CREB5: variants seen among roughly 807,000 people sequenced by gnomAD.
The protein encoded by CREB5 is cAMP responsive element binding protein 5, also known as cyclic AMP-responsive element-binding protein 5.
CREB5 carries 19 observed loss-of-function variants against 57.1 expected under a neutral mutation model. The ratio of observed to expected loss-of-function variants is 0.33; its 90% CI spans 0.23 to 0.49. CREB5 has a LOEUF of 0.49. Among genes scored for constraint, CREB5 ranks in the 20% least tolerant of loss-of-function variants. The probability of loss-of-function intolerance (pLI) is 0.99; values close to 1 mark genes in which losing one functional copy is unlikely to be tolerated. For synonymous variants in CREB5, 238 were observed against 238.3 expected (o/e 1.00, Z 0.01); for missense variants, 579 against 671.6 (o/e 0.86, Z 1.52).
intron 7 of CREB5, among the ~76,000 whole-genome samples, chr7:28,763,347 A>T (rs1805772826): frequency 6.6e-6 from 1 of 152,154 alleles, no homozygotes; most frequent in Admixed American, 6.5e-5. Flanking sequence ...TCTATTTCAA[A>T]GAGAGTCCTC....
At chr7:28,645,406 T>C (rs1214729659) in intron 5 of CREB5, among the ~76,000 whole-genome samples, 1 of 152,134 alleles carries the variant, frequency 6.6e-6, no homozygotes, top group Non-Finnish European at 1.5e-5. Context: ...GGTTTGCTTG[T>C]GGGTTTTGAA....
At chr7:28,661,728 A>G (rs1384989073) in intron 5 of CREB5, among the ~76,000 whole-genome samples, 1 of 152,168 alleles carries the variant, frequency 6.6e-6, no homozygotes, top group Non-Finnish European at 1.5e-5. Context: ...TTCTGACTCT[A>G]GGTTTACAGC....
At chr7:28,661,690 G>T (rs1035822211) in intron 5 of CREB5, among the ~76,000 whole-genome samples, 1 of 152,084 alleles carries the variant, frequency 6.6e-6, no homozygotes, top group Admixed American at 6.6e-5. Context: ...TTTCTCTCAA[G>T]CAACAGTTGA....
intron 4 of CREB5, among the ~76,000 whole-genome samples, chr7:28,520,064 G>A (rs1793141131): frequency 6.6e-6 from 1 of 152,192 alleles, no homozygotes. Context: ...GCTAGGAATG[G>A]CTTGAAAGGA....
rs544077715 is a variant in CREB5, at chr7:28,712,634, A to G, written c.465-6119A>G. Among the ~76,000 whole-genome samples, 14 of 147,806 alleles carry G rather than the reference A, an allele frequency of 9.5e-5. No individual in the cohort carries two copies. The East Asian group carries it at 2.8e-3, about 29-fold the overall frequency. On this transcript the variant is annotated intron_variant, in intron 5 of 10. Transcript: ENST00000357727. ...CTGCAGCCTCCACCTCTTGGGTTCAAGCGACTCCTGTGCCTCAGCCTCCCG... is the reference window on the plus strand; with the variant it reads ...CTGCAGCCTCCACCTCTTGGGTTCAGGCGACTCCTGTGCCTCAGCCTCCCG...
At chr7:28,743,597 C>T (rs1038606596) in intron 7 of CREB5, among the ~76,000 whole-genome samples, 9 of 152,100 alleles carry the variant, frequency 5.9e-5, no homozygotes, top group Non-Finnish European at 1.2e-4. Flanking sequence ...GGTTTGTTAG[C>T]GATATCCCAA....
intron 1 of CREB5, among the ~76,000 whole-genome samples, chr7:28,321,566 T>A (rs1257985253): frequency 6.6e-6 from 1 of 152,144 alleles, no homozygotes; most frequent in Non-Finnish European, 1.5e-5. Flanking sequence ...GGTGTGTGAG[T>A]GTGCGCCCAA....
At chr7:28,499,853 G>A (rs1476431762) in intron 3 of CREB5, among the ~76,000 whole-genome samples, 1 of 152,204 alleles carries the variant, frequency 6.6e-6, no homozygotes, top group East Asian at 1.9e-4. Context: ...AAAGTGCTGG[G>A]ATTACAGGCG....
At chr7:28,551,973 C>CTTTCTCTCT (rs1562791351) in intron 4 of CREB5, among the ~76,000 whole-genome samples, 1 of 111,554 alleles carries the variant, frequency 9.0e-6, no homozygotes, top group African/African-American at 4.5e-5. Flanking sequence ...TTTATTCTCT[C>CTTTCTCTCT]TTTCTCTCTC....
chr7:28,339,385 A>C (rs1181083730), intron 1 of CREB5, among the ~76,000 whole-genome samples: 2 of 152,218 alleles, frequency 1.3e-5, no homozygotes. Context: ...GCAGACTTTT[A>C]GAGATACCAG....
chr7:28,694,815 A>G (rs887214316), intron 5 of CREB5, among the ~76,000 whole-genome samples: 3 of 152,154 alleles, frequency 2.0e-5, no homozygotes, highest in Non-Finnish European at 2.9e-5. Context: ...CTGAGTAGCC[A>G]GGGTTATAGG....
chr7:28,620,721 C>T (rs540175398), intron 5 of CREB5, among the ~76,000 whole-genome samples: 2 of 152,246 alleles, frequency 1.3e-5, no homozygotes, highest in East Asian at 1.9e-4. Context: ...GAGGCGGCCA[C>T]GAATTGACCT....
chr7:28,632,670 G>C (rs1394431786), intron 5 of CREB5, among the ~76,000 whole-genome samples: 1 of 152,182 alleles, frequency 6.6e-6, no homozygotes, highest in African/African-American at 2.4e-5. Flanking sequence ...TATGCTTAGT[G>C]TTTCTTATAG....
intron 1 of CREB5, among the ~76,000 whole-genome samples, chr7:28,460,888 T>A (rs1449715815): frequency 6.6e-5 from 10 of 151,488 alleles, no homozygotes; most frequent in African/African-American, 2.4e-4. Flanking sequence ...TGGAAGAAAG[T>A]GTATAAAAGA....
chr7:28,720,739 TC>T (rs1340408310), intron 6 of CREB5, among the ~76,000 whole-genome samples: 1 of 152,166 alleles, frequency 6.6e-6, no homozygotes, highest in African/African-American at 2.4e-5. Context: ...AATGCAATTA[TC>T]CCACATTTTA....
chr7:28,390,997 C>G lies in CREB5; in HGVS notation c.-25+91556C>G, dbSNP rs149024577. On this transcript the variant is annotated intron_variant, in intron 1 of 9. Transcript: ENST00000396299. ...CTTTCCTCCTGGTATATTTATTTTA[C>G]TTTTATTGAATTTTCAAGTCTTTGT... 5.9e-3 allele frequency among the ~76,000 whole-genome samples: 899 copies of G among 152,058 alleles called. 9 individuals carry two copies. The highest frequency in any genetic ancestry group is 0.02 in the African/African-American group (850 of 41,482).
chr7:28,648,942 A>G (rs1462016131), intron 5 of CREB5, among the ~76,000 whole-genome samples: 3 of 152,184 alleles, frequency 2.0e-5, no homozygotes, highest in Non-Finnish European at 4.4e-5. Flanking sequence ...TAATGTACCA[A>G]TAAAGGTTTT....
At chr7:28,760,841 T>A (rs1317257251) in intron 7 of CREB5, among the ~76,000 whole-genome samples, 1 of 152,166 alleles carries the variant, frequency 6.6e-6, no homozygotes, top group Non-Finnish European at 1.5e-5. Flanking sequence ...CAAATGAAAT[T>A]GTTGCGGAAT....
chr7:28,352,040 C>G (rs1318122228), intron 1 of CREB5, among the ~76,000 whole-genome samples: 1 of 152,172 alleles, frequency 6.6e-6, no homozygotes, highest in East Asian at 1.9e-4. Context: ...ACCAAATAGA[C>G]ATGATTTGAG....
Sources: gnomAD v4.1 joint callset for allele counts (sites outside exome capture counted in the v4.1 genomes callset) on GRCh38, gnomAD v4.1.1 for gene constraint, MANE v1.5 for transcripts, NCBI Gene and HGNC (gene_info 2026-07-23, HGNC 2026-07-21) for gene names.